Variants in ZFAT observed in about 807,000 individuals in gnomAD.
ZFAT encodes zinc finger and AT-hook domain containing.
ZFAT carries 64 observed loss-of-function variants against 117.7 expected under a neutral mutation model. The observed-to-expected ratio is 0.54, with a 90% CI of 0.44 to 0.67. The LOEUF is 0.67. ZFAT is among the 30% of genes least tolerant of loss of function. The pLI is 0.00. For missense variants in ZFAT, 1,433 were observed against 1,584.5 expected, an observed-to-expected ratio of 0.90 and a Z score of 1.62; for synonymous variants, 679 against 615.0, an observed-to-expected ratio of 1.10 and a Z score of -1.54.
At chr8:134,522,284 T>C (rs914170668) in intron 12 of ZFAT, among the ~76,000 whole-genome samples, 3 of 152,218 alleles carry the variant, frequency 2.0e-5, no homozygotes, top group Non-Finnish European at 2.9e-5. Flanking sequence ...TCAGACAATT[T>C]GGCACCTGGC....
intron 3 of ZFAT, among the ~76,000 whole-genome samples, chr8:134,616,424 T>C (rs1283078138): frequency 6.6e-6 from 1 of 152,204 alleles, no homozygotes; most frequent in Non-Finnish European, 1.5e-5. Context: ...CTTTGTACTT[T>C]TCAAAGTTGC....
At chr8:134,570,721 C>A (rs923884540) in intron 10 of ZFAT, among the ~76,000 whole-genome samples, 22 of 152,198 alleles carry the variant, frequency 1.4e-4, no homozygotes, top group African/African-American at 5.3e-4. Context: ...CATGGTCACA[C>A]AGGGCATCAC....
At chr8:134,733,328 G>A in the ZFAT span, among the ~76,000 whole-genome samples, 4,492 of 152,238 alleles carry the variant, frequency 0.03, 219 homozygotes, top group African/African-American at 0.1. Context: ...CCAATATCAC[G>A]CTTTAGGTGA....
chr8:134,650,237 T>C (rs2131168978), intron 2 of ZFAT, among the ~76,000 whole-genome samples: 1 of 151,868 alleles, frequency 6.6e-6, no homozygotes, highest in African/African-American at 2.4e-5. Context: ...ATTCTTCTGC[T>C]GCCTCAGCCT....
chr8:134,704,767 A>G (rs1194826574), intron 1 of ZFAT, among the ~76,000 whole-genome samples: 1 of 152,226 alleles, frequency 6.6e-6, no homozygotes, highest in East Asian at 1.9e-4. Context: ...GGTTCTTCTA[A>G]CAAATGAGGC....
chr8:134,784,403 A>AAT, the ZFAT span: 1 of 152,236 alleles, frequency 6.6e-6, no homozygotes. Context: ...TAAAATTGGA[A>AAT]ATATATAAAA....
Position 134,582,575 on chromosome 8 carries a change from T to A in ZFAT, c.2887+1257A>T, listed in dbSNP as rs1165822755. Among the ~76,000 whole-genome samples the A allele has an allele frequency of 3.9e-5, 6 of 152,006 alleles. No individual in the cohort carries two copies. The East Asian group carries it at 1.2e-3, about 29-fold the overall frequency. On this transcript the variant is annotated intron_variant, in intron 10 of 15. Coordinates refer to ENST00000377838, the MANE Select transcript of ZFAT (RefSeq NM_020863.4). ...TTCAAGTATGACTGCTTTACTGTCA[T>A]TGTATTTTTAATTTTGATTATGGAT...
intron 3 of ZFAT, among the ~76,000 whole-genome samples, chr8:134,634,675 T>C (rs1426439870): frequency 6.6e-6 from 1 of 152,240 alleles, no homozygotes; most frequent in Non-Finnish European, 1.5e-5. Flanking sequence ...TTTCATCAAG[T>C]GTACCCTGGT....
At chr8:134,737,073 G>T in the ZFAT span, among the ~76,000 whole-genome samples, 1 of 152,178 alleles carries the variant, frequency 6.6e-6, no homozygotes, top group Non-Finnish European at 1.5e-5. Flanking sequence ...CTGAGGTCAG[G>T]TGTTCGAGAC....
chr8:134,827,180 T>C, the ZFAT span, among the ~76,000 whole-genome samples: 2 of 152,130 alleles, frequency 1.3e-5, no homozygotes, highest in Non-Finnish European at 2.9e-5. Flanking sequence ...GCCCCACAAG[T>C]AGCTGGGACT....
At chr8:134,689,925 T>C (rs1007998242) in intron 1 of ZFAT, among the ~76,000 whole-genome samples, 2 of 152,264 alleles carry the variant, frequency 1.3e-5, no homozygotes, top group Admixed American at 1.3e-4. Context: ...CCAGTAGCCA[T>C]ATTAAAATAA....
chr8:134,591,854 G>A (rs186364094), intron 7 of ZFAT, among the ~76,000 whole-genome samples: 118 of 152,256 alleles, frequency 7.8e-4, no homozygotes, highest in Admixed American at 1.8e-3. Context: ...AGGAGGAAGC[G>A]GCCCTGCCAA....
At chr8:134,756,971 A>AAGTCAGCTTCTCCCTCTGCCC in the ZFAT span, among the ~76,000 whole-genome samples, 1 of 150,860 alleles carries the variant, frequency 6.6e-6, no homozygotes, top group African/African-American at 2.4e-5. Context: ...ACCAAATCAC[A>AAGTCAGCTTCTCCCTCTGCCC]AGTCAGCTTC....
chr8:134,570,251 A>G (rs745449314), intron 10 of ZFAT, among the ~76,000 whole-genome samples: 1 of 152,146 alleles, frequency 6.6e-6, no homozygotes, highest in African/African-American at 2.4e-5. Context: ...TTCTGTTTAA[A>G]ATCAGTCCCT....
At chr8:134,618,965 A>G (rs899938631) in intron 3 of ZFAT, among the ~76,000 whole-genome samples, 6 of 152,226 alleles carry the variant, frequency 3.9e-5, no homozygotes, top group African/African-American at 1.4e-4. Flanking sequence ...TAACTAAACC[A>G]CACAGCACGT....
At chr8:134,584,118 A>G (rs1825899808) in intron 9 of ZFAT, 113 bp from the exon 10 acceptor site, 2 of 1,185,514 alleles carry the variant, frequency 1.7e-6, no homozygotes, top group South Asian at 1.7e-5. Context: ...ATATGTATAT[A>G]TAAAACATCC....
rs568357306 is a variant in ZFAT at position 134,625,183 on chromosome 8, C to T, written c.448+12278G>A. ...TATATCTCTTACTACAGGGGAAGAA[C>T]AGGCAGGCACCTGCTTCCAGCATGT... On this transcript the variant is annotated intron_variant, in intron 3 of 15. Transcript: ENST00000377838. Among the ~76,000 whole-genome samples, 198 of 152,360 alleles carry T rather than the reference C, an allele frequency of 1.3e-3. 1 individual carries two copies. The highest frequency in any genetic ancestry group is 2.1e-3 in the Non-Finnish European group (142 of 68,042).
intron 5 of ZFAT, among the ~76,000 whole-genome samples, chr8:134,603,386 C>G (rs931715031): frequency 2.6e-5 from 4 of 152,182 alleles, no homozygotes; most frequent in African/African-American, 9.7e-5. Context: ...CCAAGCTGAT[C>G]TAGGTGGATT....
At chr8:134,699,144 C>T (rs1441611193) in intron 1 of ZFAT, among the ~76,000 whole-genome samples, 3 of 152,052 alleles carry the variant, frequency 2.0e-5, no homozygotes, top group Non-Finnish European at 2.9e-5. Flanking sequence ...CCCCGCATTG[C>T]GTAGGGAACT....
Sources: gnomAD v4.1 joint callset for allele counts (sites outside exome capture counted in the v4.1 genomes callset) on GRCh38, gnomAD v4.1.1 for gene constraint, MANE v1.5 for transcripts, NCBI Gene and HGNC (gene_info 2026-07-23, HGNC 2026-07-21) for gene names.